ASIC2: variants seen among roughly 807,000 people sequenced by gnomAD.
ASIC2 encodes the protein acid-sensing ion channel 2.
In ASIC2, 25 loss-of-function variants were observed where a neutral mutation model predicts 57.3. The ratio of observed to expected loss-of-function variants is 0.44; its 90% CI spans 0.32 to 0.61. The LOEUF (loss-of-function observed/expected upper bound fraction) is 0.61, where lower values mean the gene tolerates loss of function less well. ASIC2 is among the 20% of genes least tolerant of loss of function. ASIC2 has a pLI of 0.06. For missense variants in ASIC2, 641 were observed against 738.1 expected, an observed-to-expected ratio of 0.87 and a Z score of 1.52; for synonymous variants, 319 against 307.5, an observed-to-expected ratio of 1.04 and a Z score of -0.39.
At position 33,836,116 on chromosome 17, in the gene ASIC2, C is replaced by CTTTT. The variant is rs747425378; in HGVS notation, c.555+319858_555+319861dup. On this transcript the variant is annotated intron_variant, in intron 1 of 9. Coordinates refer to the ASIC2 transcript ENST00000359872. ...ATTATCTCATTTACCCCTCATACAG[C>CTTTT]TTTTTTTTTTTTTTTTTTTTGGAGA... 4.6e-3 allele frequency among the ~76,000 whole-genome samples: 533 copies of CTTTT among 116,352 alleles called. 11 individuals carry two copies. The highest frequency in any genetic ancestry group is 0.04 in the East Asian group (122 of 3,034). 76.3% of individuals were successfully genotyped at this position (116,352 alleles called of 152,430 possible). A position where few individuals can be genotyped will look rare whatever the true frequency, so the allele number is the denominator to read the frequency against.
At chr17:33,391,627 T>C (rs145806583) in intron 1 of ASIC2, among the ~76,000 whole-genome samples, 6 of 152,278 alleles carry the variant, frequency 3.9e-5, no homozygotes, top group Admixed American at 6.5e-5. Flanking sequence ...TGAGTTGCAC[T>C]CAATTCCCCC....
At chr17:33,047,934 T>A (rs890624753) in intron 3 of ASIC2, among the ~76,000 whole-genome samples, 2 of 152,228 alleles carry the variant, frequency 1.3e-5, no homozygotes, top group Admixed American at 6.5e-5. Flanking sequence ...TGTGATGGAC[T>A]GAATTGTCTG....
chr17:33,337,080 GT>G (rs1907543666), intron 1 of ASIC2, among the ~76,000 whole-genome samples: 1 of 152,144 alleles, frequency 6.6e-6, no homozygotes, highest in African/African-American at 2.4e-5. Context: ...GCTCCTGGGG[GT>G]CCTGCCCCCT....
intron 1 of ASIC2, among the ~76,000 whole-genome samples, chr17:33,434,756 C>T (rs747892480): frequency 1.3e-5 from 2 of 152,066 alleles, no homozygotes; most frequent in African/African-American, 4.8e-5. Flanking sequence ...TGGCAGTGAG[C>T]GTTAAATGCA....
intron 1 of ASIC2, among the ~76,000 whole-genome samples, chr17:33,802,099 G>GT (rs893490996): frequency 6.6e-6 from 1 of 152,234 alleles, no homozygotes; most frequent in Admixed American, 6.5e-5. Flanking sequence ...GTATAACAAT[G>GT]TTTTGGTCAA....
chr17:33,409,229 TA>T (rs1292738615), intron 1 of ASIC2, among the ~76,000 whole-genome samples: 6 of 151,894 alleles, frequency 4.0e-5, no homozygotes, highest in South Asian at 2.1e-4. Flanking sequence ...ATAATTTTTT[TA>T]AAAAAAAGTT....
intron 1 of ASIC2, among the ~76,000 whole-genome samples, chr17:33,319,137 C>T (rs372634008): frequency 4.6e-5 from 7 of 152,126 alleles, no homozygotes; most frequent in African/African-American, 4.8e-5. Context: ...GGCTGAGGCA[C>T]GAGAATCACT....
chr17:33,586,008 C>T (rs368294864), intron 1 of ASIC2, among the ~76,000 whole-genome samples: 48 of 152,104 alleles, frequency 3.2e-4, no homozygotes, highest in African/African-American at 1.1e-3. Flanking sequence ...TGCATGCCTC[C>T]GCAATACCTT....
At chr17:33,323,726 C>A (rs767317769) in intron 1 of ASIC2, among the ~76,000 whole-genome samples, 5 of 152,068 alleles carry the variant, frequency 3.3e-5, no homozygotes, top group African/African-American at 1.2e-4. Flanking sequence ...ACCACACCCC[C>A]GCCCCAAAAA....
At chr17:33,428,228 C>T (rs1567857987) in intron 1 of ASIC2, among the ~76,000 whole-genome samples, 1 of 152,016 alleles carries the variant, frequency 6.6e-6, no homozygotes, top group African/African-American at 2.4e-5. Flanking sequence ...ATTAGATAAC[C>T]AATGCTCCTG....
At chr17:33,261,109 C>A (rs1909263168) in intron 1 of ASIC2, among the ~76,000 whole-genome samples, 1 of 152,212 alleles carries the variant, frequency 6.6e-6, no homozygotes, top group African/African-American at 2.4e-5. Context: ...AGTAGCAAAT[C>A]CATTTGCCAC....
At chr17:34,062,072 T>C (rs1908990007) in intron 1 of ASIC2, among the ~76,000 whole-genome samples, 1 of 152,148 alleles carries the variant, frequency 6.6e-6, no homozygotes, top group Non-Finnish European at 1.5e-5. Flanking sequence ...AGAATACACA[T>C]TCTATTCGAC....
At chr17:33,649,771 T>C (rs1197973781) in intron 1 of ASIC2, among the ~76,000 whole-genome samples, 1 of 152,188 alleles carries the variant, frequency 6.6e-6, no homozygotes, top group Non-Finnish European at 1.5e-5. Context: ...AGCAATTCAG[T>C]AAAGGAAGGT....
chr17:33,303,305 G>A (rs1348508779), intron 1 of ASIC2, among the ~76,000 whole-genome samples: 1 of 152,168 alleles, frequency 6.6e-6, no homozygotes, highest in Non-Finnish European at 1.5e-5. Context: ...GCCTGAAGTG[G>A]GTTCTCAGTA....
chr17:33,662,199 C>A (rs1404421121), intron 1 of ASIC2, among the ~76,000 whole-genome samples: 1 of 152,096 alleles, frequency 6.6e-6, no homozygotes, highest in African/African-American at 2.4e-5. Flanking sequence ...AGCCACACAG[C>A]AGTTAGGTAG....
chr17:33,967,622 C>A (rs1443948573), intron 1 of ASIC2, among the ~76,000 whole-genome samples: 2 of 152,214 alleles, frequency 1.3e-5, no homozygotes, highest in Non-Finnish European at 2.9e-5. Flanking sequence ...CTAACTATAG[C>A]TTGCCATTGG....
intron 1 of ASIC2, among the ~76,000 whole-genome samples, chr17:33,843,140 T>C (rs1913488706): frequency 1.3e-5 from 2 of 152,228 alleles, no homozygotes; most frequent in Non-Finnish European, 2.9e-5. Flanking sequence ...CAATTGTTTG[T>C]TTCTGTTTCC....
chr17:33,864,767 A>G (rs542434638), intron 1 of ASIC2, among the ~76,000 whole-genome samples: 42 of 152,288 alleles, frequency 2.8e-4, no homozygotes, highest in African/African-American at 9.6e-4. Flanking sequence ...GAAGCTTACA[A>G]TGCAGAGGCA....
intron 1 of ASIC2, among the ~76,000 whole-genome samples, chr17:33,789,169 T>A (rs1035288104): frequency 3.3e-5 from 5 of 152,228 alleles, no homozygotes; most frequent in Admixed American, 6.5e-5. Context: ...GCCAGCATCA[T>A]GCTTCCTGTA....
Sources: allele counts gnomAD v4.1 joint callset (sites outside exome capture counted in the v4.1 genomes callset), GRCh38; gene constraint gnomAD v4.1.1; transcripts MANE v1.5; gene names NCBI Gene and HGNC (gene_info 2026-07-23, HGNC 2026-07-21).